Variants in CYP2C19 observed in about 807,000 individuals in gnomAD.
The protein encoded by CYP2C19 is cytochrome P450 family 2 subfamily C member 19.
Under a neutral mutation model 40.9 loss-of-function variants are expected in CYP2C19, and 59 were observed. The observed-to-expected ratio is 1.44, with a 90% CI of 1.17 to 1.79. The LOEUF (loss-of-function observed/expected upper bound fraction) is 1.79, where lower values mean the gene tolerates loss of function less well. Ranked by LOEUF, CYP2C19 falls within the 40% of genes most tolerant of loss-of-function variation. The pLI is 0.00. For synonymous variants in CYP2C19, 253 were observed against 208.7 expected (o/e 1.21, Z -1.83); for missense variants, 754 against 596.9 (o/e 1.26, Z -2.74).
intron 4 of CYP2C19, among the ~76,000 whole-genome samples, chr10:94,781,320 C>T (rs918409293): frequency 1.3e-5 from 2 of 152,124 alleles, no homozygotes; most frequent in African/African-American, 4.8e-5. Context: ...CATTTAACTG[C>T]TCTGGTGCAC....
intron 6 of CYP2C19, among the ~76,000 whole-genome samples, chr10:94,830,972 C>G (rs1849325192): frequency 6.6e-6 from 1 of 152,184 alleles, no homozygotes; most frequent in African/African-American, 2.4e-5. Context: ...CATAGTCACA[C>G]TGTTGTGCTA....
At chr10:94,835,774 T>G (rs1468342458) in intron 6 of CYP2C19, among the ~76,000 whole-genome samples, 1 of 152,176 alleles carries the variant, frequency 6.6e-6, no homozygotes, top group Non-Finnish European at 1.5e-5. Context: ...GATCTGTATA[T>G]ATATATTTAC....
intron 5 of CYP2C19, among the ~76,000 whole-genome samples, chr10:94,803,751 T>G (rs1848797027): frequency 6.6e-6 from 1 of 152,018 alleles, no homozygotes; most frequent in African/African-American, 2.4e-5. Flanking sequence ...CTAATCCAGG[T>G]GAGTGGATGC....
At chr10:94,790,271 T>A (rs116978111) in intron 5 of CYP2C19, among the ~76,000 whole-genome samples, 2 of 152,144 alleles carry the variant, frequency 1.3e-5, no homozygotes, top group African/African-American at 4.8e-5. Context: ...TTCCTAAATA[T>A]AAAATCATGT....
At chr10:94,795,627 A>G (rs1273441442) in intron 5 of CYP2C19, among the ~76,000 whole-genome samples, 1 of 152,132 alleles carries the variant, frequency 6.6e-6, no homozygotes, top group African/African-American at 2.4e-5. Flanking sequence ...CCAACAGTGT[A>G]AAAGTGTTCC....
intron 6 of CYP2C19, among the ~76,000 whole-genome samples, chr10:94,834,935 T>C (rs1849379775): frequency 6.6e-6 from 1 of 152,062 alleles, no homozygotes; most frequent in South Asian, 2.1e-4. Flanking sequence ...GTTGGGGAGG[T>C]TGGCCGACGA....
intron 8 of CYP2C19, among the ~76,000 whole-genome samples, 174 bp from the exon 9 acceptor site, chr10:94,852,558 AC>A (rs1373857547): frequency 6.6e-6 from 1 of 152,112 alleles, no homozygotes; most frequent in Non-Finnish European, 1.5e-5. Context: ...TAATCCTTCC[AC>A]CCATCCATCC....
intron 5 of CYP2C19, among the ~76,000 whole-genome samples, chr10:94,805,353 A>G (rs1848818102): frequency 6.6e-6 from 1 of 152,036 alleles, no homozygotes; most frequent in Non-Finnish European, 1.5e-5. Context: ...GCACTGGTTG[A>G]CTTTCTTGTT....
Position 94,822,424 on chromosome 10 carries a change from T to C in CYP2C19, c.961+1787T>C, listed in dbSNP as rs532654131. Among the ~76,000 whole-genome samples, 714 of 152,286 alleles carry C rather than the reference T, an allele frequency of 4.7e-3. 4 individuals carry two copies. The highest frequency in any genetic ancestry group is 0.011 in the African/African-American group (469 of 41,568). ...AGATGAGATTTGAGTGGGGACACAG[T>C]CTAAACATATCAGTGTATATTTACC... is the stretch of plus-strand genomic sequence containing the variant. On this transcript the variant is annotated intron_variant, in intron 6 of 8. Coordinates refer to ENST00000371321, the MANE Select transcript of CYP2C19 (RefSeq NM_000769.4).
At chr10:94,820,766 G>A (rs1053896327) in intron 6 of CYP2C19, 129 bp downstream of exon 6, 12 of 1,173,882 alleles carry the variant, frequency 1.0e-5, no homozygotes, top group Non-Finnish European at 1.3e-5. Context: ...GCTGTAATCT[G>A]TCCCAATTTA....
At chr10:94,776,470 T>G (rs12778026) in intron 3 of CYP2C19, 1 of 151,990 alleles carries the variant, frequency 6.6e-6, no homozygotes, top group African/African-American at 2.4e-5. Flanking sequence ...TTTTAAATTC[T>G]GTTTTCCAAA....
intron 4 of CYP2C19, among the ~76,000 whole-genome samples, 199 bp from the exon 5 acceptor site, chr10:94,781,622 G>T (rs1218228396): frequency 6.6e-6 from 1 of 151,940 alleles, no homozygotes; most frequent in Non-Finnish European, 1.5e-5. Flanking sequence ...TATCATCTTT[G>T]ATTCTCTTGT....
At chr10:94,845,091 A>G (rs1849552482) in intron 7 of CYP2C19, among the ~76,000 whole-genome samples, 1 of 152,106 alleles carries the variant, frequency 6.6e-6, no homozygotes, top group South Asian at 2.1e-4. Context: ...GGCCAATTCT[A>G]CCCTCTTTAC....
chr10:94,828,230 G>C (rs1380996650), intron 6 of CYP2C19, among the ~76,000 whole-genome samples: 4 of 151,670 alleles, frequency 2.6e-5, no homozygotes, highest in Admixed American at 6.6e-5. Flanking sequence ...TTGACTTTCT[G>C]TCTCGTTGAT....
chr10:94,777,632 A>G (rs4362080), intron 3 of CYP2C19, among the ~76,000 whole-genome samples: 39,006 of 152,052 alleles, frequency 0.26, 5,358 homozygotes, highest in South Asian at 0.45. Context: ...CCTTCCTTTC[A>G]TCTTATAAAA....
At chr10:94,795,245 C>A (rs1848666047) in intron 5 of CYP2C19, among the ~76,000 whole-genome samples, 1 of 146,640 alleles carries the variant, frequency 6.8e-6, no homozygotes. Flanking sequence ...TGAGTGAGAA[C>A]ATACGGTGTT....
intron 3 of CYP2C19, among the ~76,000 whole-genome samples, 160 bp from the exon 4 acceptor site, chr10:94,780,339 A>T (rs1848463482): frequency 6.6e-6 from 1 of 152,172 alleles, no homozygotes; most frequent in Non-Finnish European, 1.5e-5. Flanking sequence ...TGTAAAAGTG[A>T]TGTGTTGATT....
At chr10:94,797,003 C>T (rs986915175) in intron 5 of CYP2C19, among the ~76,000 whole-genome samples, 2 of 152,050 alleles carry the variant, frequency 1.3e-5, no homozygotes, top group African/African-American at 2.4e-5. Context: ...TACCTGATTG[C>T]CCCGGCGAGA....
intron 1 of CYP2C19, among the ~76,000 whole-genome samples, chr10:94,770,110 G>A (rs977282768): frequency 3.9e-5 from 6 of 152,140 alleles, no homozygotes; most frequent in Non-Finnish European, 1.5e-5. Context: ...CCAGTGTCCA[G>A]GAGGAAGTCA....
Sources: allele counts gnomAD v4.1 joint callset (sites outside exome capture counted in the v4.1 genomes callset), GRCh38; gene constraint gnomAD v4.1.1; transcripts MANE v1.5; gene names NCBI Gene and HGNC (gene_info 2026-07-23, HGNC 2026-07-21).